Variants in PARD3 observed in about 807,000 individuals in gnomAD.
PARD3 encodes par-3 family cell polarity regulator, also known as partitioning defective 3 homolog.
In PARD3, 75 loss-of-function variants were observed where a neutral mutation model predicts 155.4. That is an observed-to-expected ratio of 0.48 (90% CI 0.40 to 0.58). The LOEUF (loss-of-function observed/expected upper bound fraction) is 0.58, where lower values mean the gene tolerates loss of function less well. PARD3 is among the 20% of genes least tolerant of loss of function. The pLI is 0.00. For missense variants in PARD3, 1,642 were observed against 1,721.7 expected (o/e 0.95, Z 0.82); for synonymous variants, 576 against 610.5 (o/e 0.94, Z 0.83).
At chr10:34,636,966 A>G (rs965372974) in intron 2 of PARD3, among the ~76,000 whole-genome samples, 5 of 152,254 alleles carry the variant, frequency 3.3e-5, no homozygotes, top group African/African-American at 1.2e-4. Context: ...ACGGAGCAAG[A>G]AAGTTGAGAA....
intron 2 of PARD3, among the ~76,000 whole-genome samples, chr10:34,645,191 A>G (rs966251070): frequency 2.0e-4 from 27 of 137,810 alleles, no homozygotes; most frequent in Non-Finnish European, 3.4e-4. Context: ...TTTTATTTTT[A>G]TTTTATTTTG....
At chr10:34,489,410 A>C (rs2079725394) in intron 3 of PARD3, among the ~76,000 whole-genome samples, 1 of 152,244 alleles carries the variant, frequency 6.6e-6, no homozygotes, top group South Asian at 2.1e-4. Flanking sequence ...CGGAAGTTGA[A>C]AAGCTTTATT....
intron 19 of PARD3, among the ~76,000 whole-genome samples, chr10:34,321,185 T>C (rs1958353443): frequency 6.6e-6 from 1 of 152,190 alleles, no homozygotes; most frequent in Admixed American, 6.5e-5. Context: ...ATACTAGCTT[T>C]ATAATTAGGT....
At chr10:34,656,314 A>G (rs1335332003) in intron 2 of PARD3, among the ~76,000 whole-genome samples, 2 of 152,204 alleles carry the variant, frequency 1.3e-5, no homozygotes, top group Non-Finnish European at 2.9e-5. Flanking sequence ...GAAGTGTTCT[A>G]TGATAAATAT....
intron 12 of PARD3, among the ~76,000 whole-genome samples, chr10:34,366,579 T>C (rs1839987349): frequency 6.6e-6 from 1 of 152,138 alleles, no homozygotes; most frequent in South Asian, 2.1e-4. Flanking sequence ...CAGACCATCA[T>C]AGCGTCACGC....
At chr10:34,369,810 C>G (rs1220770198) in intron 12 of PARD3, among the ~76,000 whole-genome samples, 1 of 152,124 alleles carries the variant, frequency 6.6e-6, no homozygotes, top group Non-Finnish European at 1.5e-5. Flanking sequence ...TAGTGCTCCC[C>G]TCCTCCCCAT....
At chr10:34,699,350 T>TA (rs1368618042) in intron 1 of PARD3, among the ~76,000 whole-genome samples, 1 of 151,960 alleles carries the variant, frequency 6.6e-6, no homozygotes, top group Non-Finnish European at 1.5e-5. Flanking sequence ...AAATAAAACA[T>TA]AAAAAATAAA....
intron 22 of PARD3, among the ~76,000 whole-genome samples, chr10:34,226,011 T>A (rs1006770385): frequency 5.3e-5 from 8 of 152,078 alleles, no homozygotes; most frequent in Non-Finnish European, 1.2e-4. Context: ...AGTCCCAGAC[T>A]GGGAGAAACA....
At chr10:34,717,710 T>C (rs10740893) in intron 1 of PARD3, among the ~76,000 whole-genome samples, 96,926 of 152,058 alleles carry the variant, frequency 0.64, 31,000 homozygotes, top group Non-Finnish European at 0.67. Context: ...ATTTACCATG[T>C]ACTCTGACAG....
intron 7 of PARD3, among the ~76,000 whole-genome samples, chr10:34,394,521 T>C (rs774801793): frequency 6.6e-6 from 1 of 152,126 alleles, no homozygotes; most frequent in Non-Finnish European, 1.5e-5. Flanking sequence ...AGACAAGGTT[T>C]TGCCATGTTG....
chr10:34,754,629 G>A (rs1161975212), intron 1 of PARD3, among the ~76,000 whole-genome samples: 1 of 152,068 alleles, frequency 6.6e-6, no homozygotes, highest in Non-Finnish European at 1.5e-5. Flanking sequence ...TTTTAAATCA[G>A]GCAGATTTTC....
At chr10:34,319,642 G>A (rs1409748903) in intron 19 of PARD3, among the ~76,000 whole-genome samples, 1 of 152,196 alleles carries the variant, frequency 6.6e-6, no homozygotes, top group African/African-American at 2.4e-5. Context: ...ACAGAGCAGG[G>A]AAAGAATATC....
chr10:34,470,145 T>C lies in PARD3; in HGVS notation c.522A>G (p.Ser174=), dbSNP rs756035237. The change falls in exon 4 of 25, where the codon TCA becomes TCG. Residue 174 remains serine, a synonymous_variant. Transcript: ENST00000374788. ...TCTGCTTGAGGAAGCCAGCTGTTGTTGACCAGCGTGTGGGATTTTTCCTTG... is the reference window on the plus strand; with the variant it reads ...TCTGCTTGAGGAAGCCAGCTGTTGTCGACCAGCGTGTGGGATTTTTCCTTG... ...EPSRKNPTRW[S]TTAGFLKQNT... The C allele has an allele frequency of 7.9e-5, 128 of 1,613,360 alleles. 1 individual carries two copies. The highest frequency in any genetic ancestry group is 1.6e-4 in the Middle Eastern group (1 of 6,082).
chr10:34,271,776 A>T (rs1489404741), intron 21 of PARD3, among the ~76,000 whole-genome samples: 1 of 152,224 alleles, frequency 6.6e-6, no homozygotes, highest in African/African-American at 2.4e-5. Flanking sequence ...TGACATGATG[A>T]TCTACAAAGA....
intron 1 of PARD3, among the ~76,000 whole-genome samples, chr10:34,747,866 C>T (rs527892387): frequency 1.7e-4 from 26 of 152,348 alleles, no homozygotes; most frequent in African/African-American, 5.8e-4. Flanking sequence ...GGCTCTCTCT[C>T]CCTGCCTTTC....
chr10:34,552,495 G>T (rs2084663083), intron 2 of PARD3, among the ~76,000 whole-genome samples: 1 of 152,222 alleles, frequency 6.6e-6, no homozygotes. Flanking sequence ...ATCACCTGAG[G>T]TCAGGAGTTC....
rs541277703 is a variant in PARD3 at position 34,742,704 on chromosome 10, C to G, written c.121-46285G>C. On this transcript the variant is annotated intron_variant, in intron 1 of 24. Transcript: ENST00000374788. ...GGAGGCTTTTTAATACCAGTCACTA[C>G]TAGGGAGTAAAACGTCAAAAAGAGA... Among the ~76,000 whole-genome samples, 5 of 152,302 alleles carry G rather than the reference C, an allele frequency of 3.3e-5. No homozygotes were observed. The South Asian group carries it at 8.3e-4, about 25-fold the overall frequency.
At chr10:34,621,119 GA>G (rs1038167318) in intron 2 of PARD3, among the ~76,000 whole-genome samples, 1 of 152,198 alleles carries the variant, frequency 6.6e-6, no homozygotes, top group African/African-American at 2.4e-5. Context: ...GGTTTGCGCA[GA>G]AAAAGATTTC....
chr10:34,403,866 T>C (rs775941577), intron 5 of PARD3, among the ~76,000 whole-genome samples: 30 of 152,160 alleles, frequency 2.0e-4, no homozygotes, highest in Non-Finnish European at 4.3e-4. Flanking sequence ...ATAAACCAGA[T>C]GTAGGACACA....
Sources: gnomAD v4.1 joint callset for allele counts (sites outside exome capture counted in the v4.1 genomes callset) on GRCh38, gnomAD v4.1.1 for gene constraint, MANE v1.5 for transcripts, NCBI Gene and HGNC (gene_info 2026-07-23, HGNC 2026-07-21) for gene names.